Variants in VWC2 observed in about 807,000 individuals in gnomAD.
VWC2 encodes the protein von Willebrand factor C domain containing 2, also known as brorin.
In VWC2, 14 loss-of-function variants were observed where a neutral mutation model predicts 29.8. The observed-to-expected ratio is 0.47, with a 90% CI of 0.31 to 0.74. VWC2 has a LOEUF of 0.74. VWC2 is among the 30% of genes least tolerant of loss of function. VWC2 has a pLI of 0.05. For missense variants in VWC2, 457 were observed against 459.8 expected, an observed-to-expected ratio of 0.99 and a Z score of 0.05; for synonymous variants, 213 against 199.0, an observed-to-expected ratio of 1.07 and a Z score of -0.59.
At chr7:49,797,574 G>A (rs1788621912) in intron 2 of VWC2, among the ~76,000 whole-genome samples, 1 of 152,184 alleles carries the variant, frequency 6.6e-6, no homozygotes, top group Non-Finnish European at 1.5e-5. Flanking sequence ...TGGAGACCCT[G>A]TTTGTGGGGG....
chr7:49,907,988 G>A, intron 3 of VWC2, among the ~76,000 whole-genome samples: 1 of 152,106 alleles, frequency 6.6e-6, no homozygotes, highest in Non-Finnish European at 1.5e-5. Flanking sequence ...ACCTGGAAAG[G>A]GAAGGGGATT....
chr7:49,853,297 C>T (rs943438589), intron 3 of VWC2, among the ~76,000 whole-genome samples: 5 of 152,220 alleles, frequency 3.3e-5, no homozygotes, highest in East Asian at 1.9e-4. Flanking sequence ...AACCTGTGGC[C>T]GGCCCCCAGC....
intron 3 of VWC2, among the ~76,000 whole-genome samples, chr7:49,868,311 T>A (rs1790998835): frequency 6.6e-6 from 1 of 152,220 alleles, no homozygotes; most frequent in African/African-American, 2.4e-5. Flanking sequence ...AGACTTGTTT[T>A]AAACCTCTTT....
At chr7:49,911,032 A>G (rs1229268809) in intron 3 of VWC2, among the ~76,000 whole-genome samples, 1 of 152,202 alleles carries the variant, frequency 6.6e-6, no homozygotes, top group Non-Finnish European at 1.5e-5. Context: ...TGCTTGTTTT[A>G]AGATATCTCT....
At chr7:49,892,240 G>A in intron 3 of VWC2, among the ~76,000 whole-genome samples, 1 of 151,408 alleles carries the variant, frequency 6.6e-6, no homozygotes. Flanking sequence ...TAGAGACGGG[G>A]TTTCACCGTG....
intron 2 of VWC2, among the ~76,000 whole-genome samples, chr7:49,793,291 G>T (rs1307761725): frequency 6.6e-6 from 1 of 151,728 alleles, no homozygotes; most frequent in Non-Finnish European, 1.5e-5. Flanking sequence ...CTCTGTCCAG[G>T]CATCACTGGA....
chr7:49,877,202 C>G (rs986828587), intron 3 of VWC2, among the ~76,000 whole-genome samples: 3 of 151,820 alleles, frequency 2.0e-5, no homozygotes, highest in African/African-American at 7.3e-5. Context: ...TGGCTCATGC[C>G]TGTAATCCCA....
chr7:49,829,944 T>G (rs1202724180), intron 3 of VWC2, among the ~76,000 whole-genome samples: 3 of 152,224 alleles, frequency 2.0e-5, no homozygotes, highest in Admixed American at 6.5e-5. Flanking sequence ...ATTAACTATC[T>G]TTTGGGTTAT....
intron 3 of VWC2, among the ~76,000 whole-genome samples, chr7:49,880,984 A>G (rs544740827): frequency 6.6e-6 from 1 of 152,260 alleles, no homozygotes; most frequent in South Asian, 2.1e-4. Context: ...TAAGCTTTCA[A>G]TCCATCCTTT....
chr7:49,793,292 C>T (rs1788507686), intron 2 of VWC2, among the ~76,000 whole-genome samples: 1 of 151,838 alleles, frequency 6.6e-6, no homozygotes, highest in Non-Finnish European at 1.5e-5. Context: ...TCTGTCCAGG[C>T]ATCACTGGAT....
Position 49,877,489 on chromosome 7 carries a change from T to A in VWC2, c.827-34545T>A, listed in dbSNP as rs1351174018. Reference sequence around the variant, plus strand: ...AAAAAAAAAAAAAAAAAAATATATATATATATATATATATATATATATATA... The same window carrying A: ...AAAAAAAAAAAAAAAAAAATATATAAATATATATATATATATATATATATA... On this transcript the variant is annotated intron_variant, in intron 3 of 3. Coordinates refer to ENST00000340652, the MANE Select transcript of VWC2 (RefSeq NM_198570.5). 4.9e-3 allele frequency among the ~76,000 whole-genome samples: 201 copies of A among 41,034 alleles called. 37 individuals are homozygous for A. Among genetic ancestry groups the A allele is most frequent in the African/African-American group, 0.018 (126 of 6,908 alleles). The allele number at this position is 41,034 out of a possible 152,430, so 26.9% of individuals were successfully genotyped here. A position where few individuals can be genotyped will look rare whatever the true frequency, so the allele number is the denominator to read the frequency against.
chr7:49,912,494 TAA>T lies in VWC2; in HGVS notation c.*310_*311del. On this transcript the variant is annotated 3_prime_UTR_variant, in exon 4 of 4. Transcript: ENST00000340652. ...TAATCCCTCCATTAGAGAGCTTATA[TAA>T]GTGTTTTCTATAGATGCAGATTAAA... 1 of 202,984 alleles carries T rather than the reference TAA, an allele frequency of 4.9e-6. No individual in the cohort carries two copies. The highest frequency in any genetic ancestry group is 1.0e-5 in the Non-Finnish European group (1 of 99,528). 12.6% of individuals were successfully genotyped at this position (202,984 alleles called of 1,614,324 possible).
chr7:49,807,689 T>C (rs910098618), intron 3 of VWC2, among the ~76,000 whole-genome samples: 5 of 152,160 alleles, frequency 3.3e-5, no homozygotes, highest in African/African-American at 9.7e-5. Flanking sequence ...GAGGAAAACA[T>C]AGAACAGCTT....
intron 3 of VWC2, among the ~76,000 whole-genome samples, chr7:49,831,464 C>A (rs1789523871): frequency 6.6e-6 from 1 of 152,254 alleles, no homozygotes; most frequent in South Asian, 2.1e-4. Context: ...TATTATGATA[C>A]TTGAGTGCTT....
At chr7:49,816,520 T>C (rs1238394774) in intron 3 of VWC2, among the ~76,000 whole-genome samples, 1 of 152,178 alleles carries the variant, frequency 6.6e-6, no homozygotes, top group African/African-American at 2.4e-5. Context: ...ACAAAGACCA[T>C]GGGTTGGTCC....
intron 3 of VWC2, among the ~76,000 whole-genome samples, chr7:49,818,337 C>A (rs191475267): frequency 6.6e-6 from 1 of 152,172 alleles, no homozygotes; most frequent in Non-Finnish European, 1.5e-5. Context: ...TCTCAGACAT[C>A]GTTACTCAGT....
chr7:49,794,938 A>G (rs1378866679), intron 2 of VWC2, among the ~76,000 whole-genome samples: 1 of 152,116 alleles, frequency 6.6e-6, no homozygotes, highest in African/African-American at 2.4e-5. Flanking sequence ...AAAACTCTCA[A>G]TATGCACGTA....
At chr7:49,922,188 A>G (rs962445873), downstream of VWC2, among the ~76,000 whole-genome samples, 1 of 152,178 alleles carries the variant, frequency 6.6e-6, no homozygotes, top group African/African-American at 2.4e-5. Flanking sequence ...CATCTATAAT[A>G]TAATATCCCA....
At chr7:49,793,738 C>G (rs1788517886) in intron 2 of VWC2, among the ~76,000 whole-genome samples, 1 of 152,176 alleles carries the variant, frequency 6.6e-6, no homozygotes, top group Non-Finnish European at 1.5e-5. Context: ...TTTTCTATTG[C>G]AAACTCTTAG....
Sources: allele counts gnomAD v4.1 joint callset (sites outside exome capture counted in the v4.1 genomes callset), GRCh38; gene constraint gnomAD v4.1.1; transcripts MANE v1.5; gene names NCBI Gene and HGNC (gene_info 2026-07-23, HGNC 2026-07-21).